TESPA1: variants seen among roughly 807,000 people sequenced by gnomAD.
The protein encoded by TESPA1 is thymocyte expressed, positive selection associated 1, also known as protein TESPA1.
In TESPA1, 33 loss-of-function variants were observed where a neutral mutation model predicts 57.9. The observed-to-expected ratio is 0.57, with a 90% CI of 0.43 to 0.76. The LOEUF is 0.76. TESPA1 is among the 30% of genes least tolerant of loss of function. The pLI is 0.00. For synonymous variants in TESPA1, 227 were observed against 228.9 expected (o/e 0.99, Z 0.07); for missense variants, 618 against 632.9 (o/e 0.98, Z 0.25).
Position 54,963,008 on chromosome 12 carries a change from C to CG in TESPA1, c.889dup (p.Arg297ProfsTer39). The CG allele has an allele frequency of 6.2e-7, 1 of 1,613,680 alleles. No homozygotes were observed. On this transcript the variant is annotated frameshift_variant, in exon 9 of 11. Coordinates refer to ENST00000449076, the MANE Select transcript of TESPA1 (RefSeq NM_001136030.3). LOFTEE classifies it high-confidence loss of function. ...GTTGTGGGGTGGTGGTGGCCGGTCT[C>CG]GGGGGCATGTGTACAGACACATCTT...
At chr12:54,962,036 C>G (rs1951111547) in intron 9 of TESPA1, among the ~76,000 whole-genome samples, 1 of 152,176 alleles carries the variant, frequency 6.6e-6, no homozygotes, top group South Asian at 2.1e-4. Context: ...AGATTGAAAT[C>G]TGGACTTCTG....
chr12:54,969,387 A>G (rs1227541997), intron 3 of TESPA1, among the ~76,000 whole-genome samples: 2 of 152,076 alleles, frequency 1.3e-5, no homozygotes, highest in Non-Finnish European at 2.9e-5. Flanking sequence ...GAATATTGCA[A>G]TTTACTACTG....
chr12:54,963,248 T>TACAAGAGTTAAAG lies in TESPA1; in HGVS notation c.656-19_656-7dup. On this transcript the variant is annotated splice_region_variant and splice_polypyrimidine_tract_variant and intron_variant, in intron 8 of 10. Coordinates refer to ENST00000449076, the MANE Select transcript of TESPA1 (RefSeq NM_001136030.3). ...TTGCACCTGCTTAAACCTGCCTGGG[T>TACAAGAGTTAAAG]ACAAGAGTTAAAGATGGTAAGTCTG... The TACAAGAGTTAAAG allele has an allele frequency of 6.2e-7, 1 of 1,604,230 alleles. No homozygotes were observed. The highest frequency in any genetic ancestry group is 2.2e-5 in the East Asian group (1 of 44,580).
chr12:54,973,421 T>C (rs1311952160), intron 3 of TESPA1, 56 bp downstream of exon 3: 4 of 1,611,838 alleles, frequency 2.5e-6, no homozygotes, highest in Non-Finnish European at 2.5e-6. Flanking sequence ...GAGTTGTGTC[T>C]GTTAGCAAAT....
intron 1 of TESPA1, among the ~76,000 whole-genome samples, 169 bp from the exon 2 acceptor site, chr12:54,974,776 A>C (rs981793125): frequency 2.0e-5 from 3 of 152,194 alleles, no homozygotes; most frequent in Non-Finnish European, 4.4e-5. Flanking sequence ...TCCTGCAAAA[A>C]AGGAATGCTC....
intron 3 of TESPA1, among the ~76,000 whole-genome samples, chr12:54,968,184 G>A (rs1184321769): frequency 6.6e-6 from 1 of 152,154 alleles, no homozygotes; most frequent in African/African-American, 2.4e-5. Context: ...CGGTCTTTAG[G>A]TGAAACAGGA....
At chr12:54,972,361 G>T (rs536411719) in intron 3 of TESPA1, among the ~76,000 whole-genome samples, 262 of 152,176 alleles carry the variant, frequency 1.7e-3, no homozygotes, top group Non-Finnish European at 2.8e-3. Flanking sequence ...GTTAGCAAAA[G>T]CGTAATTAAT....
At chr12:54,967,132 C>A (rs1951491782) in intron 5 of TESPA1, 51 bp downstream of exon 5, 1 of 1,600,998 alleles carries the variant, frequency 6.2e-7, no homozygotes, top group Admixed American at 1.7e-5. Flanking sequence ...TGAATTCATA[C>A]AATGTATATC....
At chr12:54,975,610 C>T (rs1200292944) in intron 1 of TESPA1, among the ~76,000 whole-genome samples, 1 of 152,034 alleles carries the variant, frequency 6.6e-6, no homozygotes, top group Non-Finnish European at 1.5e-5. Flanking sequence ...CTGAAACTCT[C>T]CAGGTCTTAT....
chr12:54,971,597 A>T lies in TESPA1; in HGVS notation c.206+1880T>A, dbSNP rs550008761. Among the ~76,000 whole-genome samples the T allele has an allele frequency of 2.9e-4, 44 of 152,294 alleles. No individual in the cohort carries two copies. In the South Asian group the frequency reaches 9.1e-3, roughly 32 times the overall value. Reference sequence around the variant, plus strand: ...CCATTTTGAAGTTTAAATATTTGAAATCTTTTCAAAACACAGATACATAAT... The same window carrying T: ...CCATTTTGAAGTTTAAATATTTGAATTCTTTTCAAAACACAGATACATAAT... On this transcript the variant is annotated intron_variant, in intron 3 of 10. Transcript: ENST00000449076.
At chr12:54,983,209 C>A (rs1312630914) in intron 1 of TESPA1, among the ~76,000 whole-genome samples, 1 of 152,154 alleles carries the variant, frequency 6.6e-6, no homozygotes, top group African/African-American at 2.4e-5. Flanking sequence ...AGGGTTCCAT[C>A]TTAATTTTCA....
At position 54,967,987 on chromosome 12, in the gene TESPA1, C is replaced by T. The variant is rs1353860378; in HGVS notation, c.207-95G>A. ...ACTCACACATATTCATATTCTTTTCCAGTGAGAGTCAGTAGTATTTAATTT... is the reference window on the plus strand; with the variant it reads ...ACTCACACATATTCATATTCTTTTCTAGTGAGAGTCAGTAGTATTTAATTT... On this transcript the variant is annotated intron_variant, in intron 3 of 10. Transcript: ENST00000449076. 4 of 1,576,032 alleles carry T rather than the reference C, an allele frequency of 2.5e-6. No individual in the cohort carries two copies. The African/African-American group carries it at 4.0e-5, about 16-fold the overall frequency.
intron 1 of TESPA1, chr12:54,984,211 T>C (rs1354433506): frequency 6.6e-6 from 1 of 152,142 alleles, no homozygotes; most frequent in Non-Finnish European, 1.5e-5. Flanking sequence ...CTTTTCGATG[T>C]TATAATCAGA....
chr12:54,962,272 C>G (rs1302986144), intron 9 of TESPA1, among the ~76,000 whole-genome samples, 159 bp downstream of exon 9: 1 of 152,156 alleles, frequency 6.6e-6, no homozygotes, highest in Non-Finnish European at 1.5e-5. Flanking sequence ...GTCTCTTTCT[C>G]CCTGTATATT....
At chr12:54,961,300 G>A in intron 9 of TESPA1, 33 bp from the exon 10 acceptor site, 1 of 1,612,758 alleles carries the variant, frequency 6.2e-7, no homozygotes, top group Non-Finnish European at 8.5e-7. Flanking sequence ...CTCAGCCAGA[G>A]CCAAGGGGGA....
At chr12:54,978,691 A>G (rs1952215290) in intron 1 of TESPA1, among the ~76,000 whole-genome samples, 2 of 152,188 alleles carry the variant, frequency 1.3e-5, no homozygotes. Flanking sequence ...TTGACTCTCA[A>G]CATTGCTTGA....
At chr12:54,980,106 T>G (rs1212206669) in intron 1 of TESPA1, among the ~76,000 whole-genome samples, 1 of 152,012 alleles carries the variant, frequency 6.6e-6, no homozygotes, top group African/African-American at 2.4e-5. Context: ...AATAAGAAAA[T>G]GGCCCAATGT....
At position 54,962,534 on chromosome 12, in the gene TESPA1, A is replaced by G. The variant is rs776136486; in HGVS notation, c.1364T>C (p.Leu455Ser). ...TTTCTGCTGGGTGATGGACAGGTCC[A>G]AGGACTTAACCTTCCTGCCCATGAG... Reference protein sequence around the residue: ...KNLMGRKVKSLDLSITQQKWK... With the variant: ...KNLMGRKVKSSDLSITQQKWK... Residue 455 changes from leucine (L) to serine (S), a missense_variant, in exon 9 of 11, where the codon TTG (leucine) becomes TCG (serine). Coordinates refer to ENST00000449076, the MANE Select transcript of TESPA1 (RefSeq NM_001136030.3). 10 of 1,613,720 alleles carry G rather than the reference A, an allele frequency of 6.2e-6. No homozygotes were observed. The South Asian group carries it at 1.1e-4, about 18-fold the overall frequency.
intron 5 of TESPA1, among the ~76,000 whole-genome samples, 175 bp downstream of exon 5, chr12:54,967,007 GC>G (rs759670091): frequency 6.6e-6 from 1 of 152,062 alleles, no homozygotes; most frequent in Non-Finnish European, 1.5e-5. Context: ...GTGTTTCTGG[GC>G]ATGTGATGCC....
Sources: allele counts gnomAD v4.1 joint callset (sites outside exome capture counted in the v4.1 genomes callset), GRCh38; gene constraint gnomAD v4.1.1; transcripts MANE v1.5; gene names NCBI Gene and HGNC (gene_info 2026-07-23, HGNC 2026-07-21).